DSC2: variants seen among roughly 807,000 people sequenced by gnomAD.
The protein encoded by DSC2 is desmocollin-2.
A neutral mutation model predicts 87.6 loss-of-function variants in DSC2; 51 were observed. That is an observed-to-expected ratio of 0.58 (90% CI 0.46 to 0.74). The LOEUF (loss-of-function observed/expected upper bound fraction) is 0.74, where lower values mean the gene tolerates loss of function less well. Among genes scored for constraint, DSC2 ranks in the 30% least tolerant of loss-of-function variants. DSC2 has a pLI of 0.00. For synonymous variants in DSC2, 383 were observed against 393.2 expected, an observed-to-expected ratio of 0.97 and a Z score of 0.31; for missense variants, 1,066 against 1,089.5, an observed-to-expected ratio of 0.98 and a Z score of 0.30.
chr18:31,080,445 T>C (rs1261452254), intron 9 of DSC2, 93 bp from the exon 10 acceptor site: 8 of 1,454,296 alleles, frequency 5.5e-6, no homozygotes, highest in Non-Finnish European at 7.5e-6. Flanking sequence ...GGAAATATGT[T>C]AAGTGTCATG....
chr18:31,091,713 T>C (rs1987605256), intron 3 of DSC2: 1 of 407,020 alleles, frequency 2.5e-6, no homozygotes, highest in Non-Finnish European at 4.9e-6. Context: ...CTAAAATAGT[T>C]ATCTATGTTT....
At chr18:31,096,564 T>C (rs953798773) in intron 1 of DSC2, among the ~76,000 whole-genome samples, 1 of 152,176 alleles carries the variant, frequency 6.6e-6, no homozygotes, top group South Asian at 2.1e-4. Context: ...TTTTGCTTGG[T>C]CCAGAAACTT....
At chr18:31,078,306 AAC>A (rs1376403367) in intron 11 of DSC2, among the ~76,000 whole-genome samples, 1 of 152,236 alleles carries the variant, frequency 6.6e-6, no homozygotes, top group Non-Finnish European at 1.5e-5. Flanking sequence ...CACACAGAGT[AAC>A]ACAATGACTC....
rs535391495 is a variant in DSC2 at position 31,071,410 on chromosome 18, T to C, written c.2125+195A>G. Among the ~76,000 whole-genome samples the C allele has an allele frequency of 2.2e-3, 339 of 152,026 alleles. 1 individual carries two copies. Among genetic ancestry groups the C allele is most frequent in the African/African-American group, 7.8e-3 (325 of 41,474 alleles). ...AAAGTAGAAAAAATTAGCTGGGCAT[T>C]GTGGCGCACACCTGTAATCCCAGCT... On this transcript the variant is annotated intron_variant, in intron 13 of 15. Coordinates refer to ENST00000280904, the MANE Select transcript of DSC2 (RefSeq NM_024422.6).
At chr18:31,075,464 A>G (rs553313775) in intron 11 of DSC2, among the ~76,000 whole-genome samples, 1 of 152,356 alleles carries the variant, frequency 6.6e-6, no homozygotes, top group South Asian at 2.1e-4. Flanking sequence ...TTCAAAGGGC[A>G]GAAGACTCCA....
chr18:31,064,793 T>C lies in DSC2; in HGVS notation c.*3222A>G, dbSNP rs1395357155. The C allele has an allele frequency of 6.6e-6, 1 of 152,104 alleles. No individual in the cohort carries two copies. The highest frequency in any genetic ancestry group is 1.5e-5 in the Non-Finnish European group (1 of 68,030). 9.4% of individuals were successfully genotyped at this position (152,104 alleles called of 1,614,324 possible). Reference sequence around the variant, plus strand: ...AAGCATTTTATTTTGGAGATGATACTAAAGGGGCTGATCAGAGCAAAGTCA... The same window carrying C: ...AAGCATTTTATTTTGGAGATGATACCAAAGGGGCTGATCAGAGCAAAGTCA... On this transcript the variant is annotated 3_prime_UTR_variant, in exon 16 of 16. Transcript: ENST00000280904.
chr18:31,099,554 G>C (rs1987868008), intron 1 of DSC2, among the ~76,000 whole-genome samples: 1 of 151,918 alleles, frequency 6.6e-6, no homozygotes, highest in African/African-American at 2.4e-5. Flanking sequence ...AAGACAAGAC[G>C]CTAGGTAGGG....
Position 31,059,183 on chromosome 18 carries a change from C to A in DSC2, c.*8832G>T, listed in dbSNP as rs981089479. On this transcript the variant is annotated 3_prime_UTR_variant, in exon 16 of 16. Coordinates refer to ENST00000280904, the MANE Select transcript of DSC2 (RefSeq NM_024422.6). ...GTGCAAAGATTAACTGTGATTGTGT[C>A]TACTACAGGAGAAATAAGGAGCAGC... is the stretch of plus-strand genomic sequence containing the variant. 6.6e-6 allele frequency: 1 copy of A among 152,154 alleles called. No homozygotes were observed. 9.4% of individuals were successfully genotyped at this position (152,154 alleles called of 1,614,324 possible).
Position 31,101,996 on chromosome 18 carries a change from G to T in DSC2, c.-25C>A. ...TGGAGAGGGCTCGGGGCAGGTCGCG[G>T]GCCGAGCGTCGGGCCGGGGTAGGAG... On this transcript the variant is annotated 5_prime_UTR_variant, in exon 1 of 16. Coordinates refer to ENST00000280904, the MANE Select transcript of DSC2 (RefSeq NM_024422.6). The T allele has an allele frequency of 6.7e-7, 1 of 1,486,926 alleles. No individual in the cohort carries two copies. Among genetic ancestry groups the T allele is most frequent in the South Asian group, 1.3e-5 (1 of 78,986 alleles). The allele number at this position is 1,486,926 out of a possible 1,614,324, so 92.1% of individuals were successfully genotyped here. A position where few individuals can be genotyped will look rare whatever the true frequency, so the allele number is the denominator to read the frequency against.
Position 31,101,924 on chromosome 18 carries a change from C to G in DSC2, c.48G>C (p.Arg16=). The part of the protein sequence containing the change: ...PSGSWNGALC[R]LLLLTLAILI... ...TCACCGCGAGGGTCAGCAGGAGCAG[C>G]CGGCAGAGGGCTCCGTTCCAGGAGC... The change falls in exon 1 of 16, where the codon CGG becomes CGC. Residue 16 remains arginine, a synonymous_variant. Transcript: ENST00000280904. The G allele has an allele frequency of 6.5e-7, 1 of 1,531,070 alleles. No individual in the cohort carries two copies. The highest frequency in any genetic ancestry group is 8.7e-7 in the Non-Finnish European group (1 of 1,144,090). The allele number at this position is 1,531,070 out of a possible 1,614,324, so 94.8% of individuals were successfully genotyped here.
chr18:31,090,429 C>T (rs890788501), intron 4 of DSC2, among the ~76,000 whole-genome samples: 2 of 151,958 alleles, frequency 1.3e-5, no homozygotes, highest in Admixed American at 1.3e-4. Flanking sequence ...TAAAACAAGA[C>T]AGAGAAAAAG....
At chr18:31,101,153 T>C (rs2144870385) in intron 1 of DSC2, 1 of 981,480 alleles carries the variant, frequency 1.0e-6, no homozygotes, top group Non-Finnish European at 1.2e-6. Context: ...GACCCTTCCT[T>C]CCTCCGAAGA....
At chr18:31,089,364 A>T (rs1987512849) in intron 5 of DSC2, 75 bp downstream of exon 5, 5 of 1,556,048 alleles carry the variant, frequency 3.2e-6, no homozygotes, top group Non-Finnish European at 2.7e-6. Context: ...AGAAAAGGTT[A>T]CGTGAATTGC....
At chr18:31,076,025 G>A (rs548981164) in intron 11 of DSC2, among the ~76,000 whole-genome samples, 6 of 152,104 alleles carry the variant, frequency 3.9e-5, no homozygotes, top group African/African-American at 9.7e-5. Flanking sequence ...ACAAACCCAG[G>A]AGTTCTGTCT....
intron 8 of DSC2, among the ~76,000 whole-genome samples, chr18:31,082,639 C>T (rs540407720): frequency 8.5e-5 from 13 of 152,278 alleles, no homozygotes; most frequent in Non-Finnish European, 1.6e-4. Flanking sequence ...TTCACTGCAA[C>T]CTCTGCCTTC....
At chr18:31,086,970 T>C (rs1987421567) in intron 6 of DSC2, among the ~76,000 whole-genome samples, 1 of 152,184 alleles carries the variant, frequency 6.6e-6, no homozygotes, top group South Asian at 2.1e-4. Flanking sequence ...TTATTGTATT[T>C]AATGTATGAT....
intron 1 of DSC2, 54 bp from the exon 2 acceptor site, chr18:31,093,697 T>C: frequency 9.5e-7 from 1 of 1,057,316 alleles, no homozygotes; most frequent in Non-Finnish European, 1.3e-6. Flanking sequence ...AAAACTTTAA[T>C]GTGTATATTA....
At position 31,067,870 on chromosome 18, in the gene DSC2, A is replaced by G. The variant is rs931630052; in HGVS notation, c.*145T>C. The stretch of plus-strand genomic sequence containing the variant: ...ACTTGTTTATAGTGTCTCTCTGTAA[A>G]TGTGCATTTGACCAAAGAGATTCCA... On this transcript the variant is annotated 3_prime_UTR_variant, in exon 16 of 16. Transcript: ENST00000280904. The G allele has an allele frequency of 2.7e-6, 2 of 741,198 alleles. No individual in the cohort carries two copies. Among genetic ancestry groups the G allele is most frequent in the African/African-American group, 3.6e-5 (2 of 56,312 alleles). The allele number at this position is 741,198 out of a possible 1,614,324, so 45.9% of individuals were successfully genotyped here.
At chr18:31,073,095 G>A (rs1249054882) in intron 12 of DSC2, among the ~76,000 whole-genome samples, 2 of 151,788 alleles carry the variant, frequency 1.3e-5, no homozygotes, top group African/African-American at 4.8e-5. Context: ...GCCTCTTTAG[G>A]GTATATTCTT....
Sources: allele counts gnomAD v4.1 joint callset (sites outside exome capture counted in the v4.1 genomes callset), GRCh38; gene constraint gnomAD v4.1.1; transcripts MANE v1.5; gene names NCBI Gene and HGNC (gene_info 2026-07-23, HGNC 2026-07-21).